The following DCX variants were observed in gnomAD, a reference collection of about 807,000 sequenced individuals.
DCX encodes doublecortin, also known as neuronal migration protein doublecortin.
Under a neutral mutation model 20.9 loss-of-function variants are expected in DCX, and 4 were observed. The ratio of observed to expected loss-of-function variants is 0.19; its 90% confidence interval spans 0.09 to 0.44. The LOEUF (loss-of-function observed/expected upper bound fraction) is 0.44, where lower values mean the gene tolerates loss of function less well. Ranked by LOEUF, DCX falls within the 20% of genes least tolerant of loss-of-function variation. The pLI is 0.99. For synonymous variants in DCX, 103 were observed against 111.4 expected (o/e 0.92, Z 0.47); for missense variants, 133 against 296.9 (o/e 0.45, Z 4.06).
chrX:111,299,564 C>T lies in DCX; in HGVS notation c.*2123G>A, dbSNP rs1037947212. On this transcript the variant is annotated 3_prime_UTR_variant, in exon 7 of 7. Coordinates refer to ENST00000636035, the MANE Select transcript of DCX (RefSeq NM_001195553.2). ...TCTGGCCTGAAGTTTAAAATCAGGC[C>T]TCCCACCATTCTTTATGCCCACACC... 1 of 111,090 alleles carries T rather than the reference C, an allele frequency of 9.0e-6. No individual in the cohort carries two copies. The highest frequency in any genetic ancestry group is 1.9e-5 in the Non-Finnish European group (1 of 53,077). 9.2% of individuals were successfully genotyped at this position (111,090 alleles called of 1,213,427 possible).
At chrX:111,309,857 T>A (rs1470421018) in intron 6 of DCX, among the ~76,000 whole-genome samples, 1 of 111,784 alleles carries the variant, frequency 8.9e-6, no homozygotes, top group African/African-American at 3.3e-5. Context: ...ATTAAAGCAA[T>A]TGATAAAGTT....
intron 3 of DCX, among the ~76,000 whole-genome samples, chrX:111,396,520 G>C (rs1439785178): frequency 8.9e-6 from 1 of 111,933 alleles, no homozygotes; most frequent in African/African-American, 3.2e-5. Flanking sequence ...ATGCCAAAAA[G>C]CTGGAAGTCT....
intron 2 of DCX, among the ~76,000 whole-genome samples, chrX:111,406,014 T>C (rs1928183964): frequency 8.9e-6 from 1 of 112,646 alleles, no homozygotes; most frequent in Admixed American, 9.4e-5. Flanking sequence ...TGTAATAATG[T>C]GGCCATTTGA....
At chrX:111,310,360 T>G (rs972406739) in intron 6 of DCX, among the ~76,000 whole-genome samples, 6 of 110,394 alleles carry the variant, frequency 5.4e-5, no homozygotes, top group Middle Eastern at 4.8e-3. Flanking sequence ...ATAAATAAAA[T>G]AAATAAAAGA....
At chrX:111,331,077 T>C (rs998221541) in intron 4 of DCX, 36 bp from the exon 5 acceptor site, 1 of 1,204,620 alleles carries the variant, frequency 8.3e-7, no homozygotes, top group Non-Finnish European at 1.1e-6. Context: ...TAGTAGAGGA[T>C]AAAACAGGCT....
At chrX:111,359,332 G>T (rs1362884143) in intron 3 of DCX, among the ~76,000 whole-genome samples, 2 of 111,413 alleles carry the variant, frequency 1.8e-5, no homozygotes, top group Non-Finnish European at 3.8e-5. Context: ...TTATAAATTG[G>T]ATTCAGAGAT....
At chrX:111,340,720 A>G (rs1922150777) in intron 3 of DCX, among the ~76,000 whole-genome samples, 1 of 111,242 alleles carries the variant, frequency 9.0e-6, no homozygotes. Flanking sequence ...ATCTCTAGGC[A>G]TGGAGTGAAT....
At chrX:111,400,473 T>C (rs745796259) in intron 3 of DCX, among the ~76,000 whole-genome samples, 3 of 111,876 alleles carry the variant, frequency 2.7e-5, no homozygotes, top group Non-Finnish European at 5.6e-5. Flanking sequence ...AGAATAAATA[T>C]GGTTTAGTGT....
At chrX:111,410,656 G>A (rs1019013368) in intron 1 of DCX, 4 of 951,656 alleles carry the variant, frequency 4.2e-6, no homozygotes. Flanking sequence ...GTGGTTGTGG[G>A]GGTTGGGAGT....
chrX:111,399,860 C>T (rs992925257), intron 3 of DCX, among the ~76,000 whole-genome samples: 6 of 111,374 alleles, frequency 5.4e-5, no homozygotes, highest in Admixed American at 9.6e-5. Flanking sequence ...GCTCTCAGAT[C>T]GCAAAATGAT....
chrX:111,408,632 G>GAGAAAGAAAGAAAGAA (rs61699743), intron 2 of DCX, among the ~76,000 whole-genome samples: 272 of 77,998 alleles, frequency 3.5e-3, no homozygotes, highest in Middle Eastern at 0.013. Flanking sequence ...AGAAAGAAAA[G>GAGAAAGAAAGAAAGAA]AGAAAGAAAG....
At chrX:111,310,743 C>T (rs1455766152) in intron 6 of DCX, among the ~76,000 whole-genome samples, 1 of 112,297 alleles carries the variant, frequency 8.9e-6, no homozygotes, top group Non-Finnish European at 1.9e-5. Context: ...AACAGTGAAG[C>T]TCTGACAATG....
intron 3 of DCX, among the ~76,000 whole-genome samples, chrX:111,341,374 G>A (rs766181303): frequency 5.8e-4 from 64 of 110,853 alleles, no homozygotes; most frequent in Non-Finnish European, 1.1e-3. Flanking sequence ...ATGGGACTTC[G>A]CAAAAAGACT....
chrX:111,341,377 A>C (rs952262420), intron 3 of DCX, among the ~76,000 whole-genome samples: 2 of 111,316 alleles, frequency 1.8e-5, no homozygotes, highest in African/African-American at 3.3e-5. Flanking sequence ...GGACTTCGCA[A>C]AAAGACTGAA....
At chrX:111,329,702 CT>C (rs1477800521) in intron 5 of DCX, among the ~76,000 whole-genome samples, 2 of 111,562 alleles carry the variant, frequency 1.8e-5, no homozygotes, top group Non-Finnish European at 3.8e-5. Flanking sequence ...CCTGGGTTGC[CT>C]TTTCATACTT....
At chrX:111,354,663 A>G (rs922062033) in intron 3 of DCX, among the ~76,000 whole-genome samples, 2 of 112,469 alleles carry the variant, frequency 1.8e-5, no homozygotes, top group African/African-American at 6.5e-5. Context: ...AGGGATGTGT[A>G]CAGGAAGACA....
In DCX at chrX:111,296,729, C is replaced by T. The variant is rs965481545; in HGVS notation, c.*4958G>A. ...GTTGCAGCGAGCCAAGATTGTGCCA[C>T]TGCACTCCAGCCTAGGTGACAGAGG... On this transcript the variant is annotated 3_prime_UTR_variant, in exon 7 of 7. Transcript: ENST00000636035. The T allele has an allele frequency of 3.8e-5, 4 of 104,025 alleles. No homozygotes were observed. Among genetic ancestry groups the T allele is most frequent in the African/African-American group, 1.4e-4 (4 of 27,642 alleles). 8.6% of individuals were successfully genotyped at this position (104,025 alleles called of 1,213,427 possible).
intron 3 of DCX, among the ~76,000 whole-genome samples, chrX:111,378,696 T>C (rs1290213963): frequency 1.8e-5 from 2 of 111,014 alleles, no homozygotes; most frequent in African/African-American, 6.6e-5. Context: ...CTAGTAAGCA[T>C]CCATTTTATC....
chrX:111,315,238 A>C (rs1214191273), intron 5 of DCX, among the ~76,000 whole-genome samples: 2 of 101,529 alleles, frequency 2.0e-5, no homozygotes, highest in Non-Finnish European at 3.9e-5. Flanking sequence ...ACAAGAAAAA[A>C]ACAAACAACC....
Sources: gnomAD v4.1 joint callset for allele counts (sites outside exome capture counted in the v4.1 genomes callset) on GRCh38, gnomAD v4.1.1 for gene constraint, MANE v1.5 for transcripts, NCBI Gene and HGNC (gene_info 2026-07-23, HGNC 2026-07-21) for gene names.